Variants in MCTP1 observed in about 807,000 individuals in gnomAD.
MCTP1 encodes multiple C2 and transmembrane domain containing 1.
A neutral mutation model predicts 120.6 loss-of-function variants in MCTP1; 69 were observed. The observed-to-expected ratio is 0.57, with a 90% CI of 0.47 to 0.70. The LOEUF (loss-of-function observed/expected upper bound fraction) is 0.70. Ranked by LOEUF, MCTP1 falls within the 30% of genes least tolerant of loss-of-function variation. The pLI is 0.00. For missense variants in MCTP1, 1,203 were observed against 1,248.8 expected, an observed-to-expected ratio of 0.96 and a Z score of 0.55; for synonymous variants, 529 against 493.1, an observed-to-expected ratio of 1.07 and a Z score of -0.96.
intron 1 of MCTP1, among the ~76,000 whole-genome samples, chr5:95,073,447 C>G (rs906832510): frequency 6.6e-6 from 1 of 152,176 alleles, no homozygotes; most frequent in African/African-American, 2.4e-5. Flanking sequence ...ATCTCCTCAA[C>G]CTTACTGAGT....
chr5:95,265,594 C>G (rs1004752949), intron 1 of MCTP1, among the ~76,000 whole-genome samples: 1 of 152,168 alleles, frequency 6.6e-6, no homozygotes, highest in Non-Finnish European at 1.5e-5. Context: ...TGAGAGTACA[C>G]TACTGCTGGT....
chr5:94,954,137 C>A (rs1307891695), intron 2 of MCTP1, among the ~76,000 whole-genome samples: 3 of 28,322 alleles, frequency 1.1e-4, no homozygotes, highest in Non-Finnish European at 1.8e-4. Flanking sequence ...TATATATATG[C>A]ATATATATAC....
At chr5:95,117,748 G>T (rs1263523253) in intron 1 of MCTP1, among the ~76,000 whole-genome samples, 1 of 152,100 alleles carries the variant, frequency 6.6e-6, no homozygotes, top group Non-Finnish European at 1.5e-5. Context: ...CAATAGAAAA[G>T]ACATGGAATA....
intron 1 of MCTP1, among the ~76,000 whole-genome samples, chr5:95,156,899 T>C (rs750220019): frequency 2.0e-5 from 3 of 152,184 alleles, no homozygotes; most frequent in Non-Finnish European, 4.4e-5. Flanking sequence ...TCTGATATAT[T>C]GGTGAAACGT....
In MCTP1 at chr5:95,017,469, C is replaced by G. The variant is rs1837339989; in HGVS notation, c.736G>C (p.Ala246Pro). The G allele has an allele frequency of 6.3e-7, 1 of 1,596,742 alleles. No homozygotes were observed. The highest frequency in any genetic ancestry group is 8.5e-7 in the Non-Finnish European group (1 of 1,171,098). Residue 246 changes from alanine to proline, a missense_variant, in exon 2 of 23, where the codon GCT becomes CCT. Physicochemically the swap from Ala to Pro is conservative, Grantham distance 27. Around this residue, in one of 2 missense-constraint regions of MCTP1, gnomAD observed 463 missense variants for 377.8 expected, o/e 1.23. Coordinates refer to ENST00000515393, the MANE Select transcript of MCTP1 (RefSeq NM_024717.7). ...HGSSQKIINTAGTSNAEVPLA... is the reference protein window; with the variant it reads ...HGSSQKIINTPGTSNAEVPLA... ...GGGACTTCTGCATTACTGGTTCCAG[C>G]AGTGTTTATTATTTTCTGGAAAACA...
chr5:94,852,692 T>A (rs1238571640), intron 17 of MCTP1, among the ~76,000 whole-genome samples: 2 of 151,948 alleles, frequency 1.3e-5, no homozygotes, highest in Non-Finnish European at 2.9e-5. Context: ...GCAGACTATA[T>A]TTAACATTTT....
Position 94,940,652 on chromosome 5 carries a change from ACAC to A in MCTP1, c.1062-460_1062-458del, listed in dbSNP as rs1157358822. 3.4e-5 allele frequency among the ~76,000 whole-genome samples: 5 copies of A among 148,786 alleles called. No individual in the cohort carries two copies. The East Asian group carries it at 5.9e-4, about 18-fold the overall frequency. On this transcript the variant is annotated intron_variant, in intron 4 of 22. Transcript: ENST00000515393. ...TACACATATACATACACACACATAT[ACAC>A]TAAATACACATATGGGGTTACAGTC...
Position 95,284,667 on chromosome 5 carries a change from C to T in MCTP1, c.-92G>A. The T allele has an allele frequency of 8.8e-7, 1 of 1,132,450 alleles. No individual in the cohort carries two copies. Among genetic ancestry groups the T allele is most frequent in the Non-Finnish European group, 1.2e-6 (1 of 857,756 alleles). The allele number at this position is 1,132,450 out of a possible 1,614,324, so 70.2% of individuals were successfully genotyped here. A position where few individuals can be genotyped will look rare whatever the true frequency, so the allele number is the denominator to read the frequency against. The stretch of plus-strand genomic sequence containing the variant: ...GGCTGCACCTCCTCCCGGGTCCCCG[C>T]GGCGCTGGCGGTGGCGGCGGCGGCG... On this transcript the variant is annotated 5_prime_UTR_variant, in exon 1 of 23. Coordinates refer to ENST00000515393, the MANE Select transcript of MCTP1 (RefSeq NM_024717.7). This position sits in a 1 kb window ranked among gnomAD's most constrained non-coding sequence, Gnocchi z 5.2.
intron 2 of MCTP1, among the ~76,000 whole-genome samples, chr5:95,005,422 T>TA (rs35458953): frequency 0.72 from 109,870 of 151,894 alleles, 40,235 homozygotes; most frequent in Middle Eastern, 0.83. Context: ...ACATGAGATT[T>TA]GGGAGGGGCC....
intron 3 of MCTP1, among the ~76,000 whole-genome samples, chr5:94,945,900 G>T (rs141652234): frequency 6.6e-6 from 1 of 152,152 alleles, no homozygotes; most frequent in Non-Finnish European, 1.5e-5. Context: ...ACTGGCCAGG[G>T]GCCAGTGAGG....
At chr5:95,080,045 C>T (rs1754531606) in intron 1 of MCTP1, among the ~76,000 whole-genome samples, 1 of 152,104 alleles carries the variant, frequency 6.6e-6, no homozygotes, top group South Asian at 2.1e-4. Context: ...TGGTTGTTTA[C>T]ATTTTTCTTT....
intron 1 of MCTP1, among the ~76,000 whole-genome samples, chr5:95,127,941 C>T (rs1019880194): frequency 5.9e-5 from 9 of 152,064 alleles, no homozygotes; most frequent in Admixed American, 1.3e-4. Flanking sequence ...AGCTGGGCAG[C>T]GACCAGATGG....
intron 1 of MCTP1, among the ~76,000 whole-genome samples, chr5:95,278,433 A>G (rs558538280): frequency 2.0e-5 from 3 of 152,222 alleles, no homozygotes; most frequent in Admixed American, 6.5e-5. Flanking sequence ...GGTATGGTTT[A>G]TACTCTAGTT....
intron 1 of MCTP1, among the ~76,000 whole-genome samples, chr5:95,091,673 C>G (rs1005961333): frequency 5.3e-5 from 8 of 152,220 alleles, no homozygotes; most frequent in Non-Finnish European, 8.8e-5. Context: ...TGTCCCACAA[C>G]TGTTTCAACT....
At chr5:95,157,142 A>G (rs935284263) in intron 1 of MCTP1, among the ~76,000 whole-genome samples, 4 of 152,224 alleles carry the variant, frequency 2.6e-5, no homozygotes, top group African/African-American at 9.6e-5. Context: ...ATATATGTAA[A>G]TTAGTGAAAA....
At chr5:95,125,810 T>G (rs2152416160) in intron 1 of MCTP1, among the ~76,000 whole-genome samples, 1 of 152,362 alleles carries the variant, frequency 6.6e-6, no homozygotes, top group South Asian at 2.1e-4. Context: ...AAATTAGTGT[T>G]TACAACTTAT....
intron 1 of MCTP1, among the ~76,000 whole-genome samples, chr5:95,169,820 G>C (rs190939551): frequency 6.6e-6 from 1 of 152,104 alleles, no homozygotes; most frequent in African/African-American, 2.4e-5. Flanking sequence ...CAGTCTACCT[G>C]TTTTGTTAAT....
chr5:94,894,695 T>A lies in MCTP1; in HGVS notation c.1793A>T (p.Asn598Ile). 6.2e-7 allele frequency: 1 copy of A among 1,612,804 alleles called. No individual in the cohort carries two copies. The highest frequency in any genetic ancestry group is 8.5e-7 in the Non-Finnish European group (1 of 1,178,992). Residue 598 changes from asparagine to isoleucine, a missense_variant, in exon 11 of 23, where the codon AAC becomes ATC. Coordinates refer to ENST00000515393, the MANE Select transcript of MCTP1 (RefSeq NM_024717.7). ...TCGTTCCTTCTGGTCCTCCAGGGAG[T>A]TGACAGACAGGTCAGAGATGCTGAC... is the stretch of plus-strand genomic sequence containing the variant. ...ATVSISDLSV[N>I]SLEDQKEREE...
intron 1 of MCTP1, among the ~76,000 whole-genome samples, chr5:95,246,764 T>C (rs1249741938): frequency 6.6e-6 from 1 of 152,110 alleles, no homozygotes; most frequent in East Asian, 1.9e-4. Flanking sequence ...GTGGATAAGC[T>C]TTTTGAAGTG....
Sources: gnomAD v4.1 joint callset for allele counts (sites outside exome capture counted in the v4.1 genomes callset) on GRCh38, gnomAD v4.1.1 for gene constraint, gnomAD v4.1.1 regional missense constraint, Gnocchi (gnomAD v3.1) non-coding constraint, MANE v1.5 for transcripts, NCBI Gene and HGNC (gene_info 2026-07-23, HGNC 2026-07-21) for gene names.